The following LTO1 variants were observed in gnomAD, a reference collection of about 807,000 sequenced individuals.
LTO1 encodes LTO1 maturation factor of ABCE1, also known as protein LTO1 homolog.
Under a neutral mutation model 19.8 loss-of-function variants are expected in LTO1, and 18 were observed. The ratio of observed to expected loss-of-function variants is 0.91; its 90% confidence interval spans 0.63 to 1.35. The LOEUF is 1.35. LTO1 is among the 40% of genes most tolerant of loss of function. The pLI is 0.00. For synonymous variants in LTO1, 59 were observed against 59.6 expected (o/e 0.99, Z 0.05); for missense variants, 175 against 167.9 (o/e 1.04, Z -0.23).
At chr11:69,675,107 A>T in intron 1 of LTO1, 83 bp downstream of exon 1, 2 of 1,283,376 alleles carry the variant, frequency 1.6e-6, no homozygotes, top group Non-Finnish European at 2.2e-6. Flanking sequence ...AGGCTCCAGC[A>T]GCCGCCCTGG....
intron 2 of LTO1, chr11:69,672,898 G>C (rs1856127124): frequency 2.7e-6 from 1 of 376,028 alleles, no homozygotes; most frequent in Non-Finnish European, 5.2e-6. Context: ...TGCCTCCCAG[G>C]TTCAAGCGAG....
intron 4 of LTO1, 129 bp downstream of exon 4, chr11:69,667,766 C>G: frequency 1.4e-6 from 1 of 716,652 alleles, no homozygotes; most frequent in Non-Finnish European, 2.5e-6. Context: ...GGATGAGGCG[C>G]CTCTACGGAC....
chr11:69,673,199 T>G lies in LTO1; in HGVS notation c.156+17A>C, dbSNP rs995108275. 3 of 1,336,628 alleles carry G rather than the reference T, an allele frequency of 2.2e-6. No homozygotes were observed. The South Asian group carries it at 3.5e-5, about 16-fold the overall frequency. The allele number at this position is 1,336,628 out of a possible 1,614,324, so 82.8% of individuals were successfully genotyped here. The stretch of plus-strand genomic sequence containing the variant: ...TAAATGAAGAGGCTTCATCTCCAGA[T>G]GGGGGTTCCCACTTACCTCAGACCC... On this transcript the variant is annotated intron_variant, in intron 2 of 4. Coordinates refer to ENST00000279147, the MANE Select transcript of LTO1 (RefSeq NM_153451.3).
rs375065619 is a variant in LTO1 at position 69,673,919 on chromosome 11, C to T, written c.51-598G>A. 1.5e-3 allele frequency among the ~76,000 whole-genome samples: 221 copies of T among 152,100 alleles called. 1 individual carries two copies. The highest frequency in any genetic ancestry group is 5.0e-3 in the African/African-American group (207 of 41,474). On this transcript the variant is annotated intron_variant, in intron 1 of 4. Coordinates refer to ENST00000279147, the MANE Select transcript of LTO1 (RefSeq NM_153451.3). The stretch of plus-strand genomic sequence containing the variant: ...TCGCCCAGGCTGGAGTGCAGTGGTG[C>T]GATCTCGGCTCACTGCAAGCTCTGC...
Position 69,675,253 on chromosome 11 carries a change from C to T in LTO1, c.-14G>A, listed in dbSNP as rs1223084090. ...ACTGCCAGCCATAGCGGCAAGCAGC[C>T]CGCCCTTGGCCCCCGGGTTTCTGCA... On this transcript the variant is annotated 5_prime_UTR_variant, in exon 1 of 5. Coordinates refer to ENST00000279147, the MANE Select transcript of LTO1 (RefSeq NM_153451.3). 4.7e-6 allele frequency: 7 copies of T among 1,487,072 alleles called. No homozygotes were observed. The African/African-American group carries it at 1.0e-4, about 21-fold the overall frequency. 92.1% of individuals were successfully genotyped at this position (1,487,072 alleles called of 1,614,324 possible).
chr11:69,674,778 A>G, intron 1 of LTO1: 1 of 465,088 alleles, frequency 2.2e-6, no homozygotes, highest in Non-Finnish European at 4.3e-6. Flanking sequence ...TGGAGGGAAA[A>G]GGGGTGTGGT....
chr11:69,674,236 G>A (rs1856154935), intron 1 of LTO1, among the ~76,000 whole-genome samples: 1 of 152,162 alleles, frequency 6.6e-6, no homozygotes, highest in South Asian at 2.1e-4. Flanking sequence ...TGTTCAAGTA[G>A]CACTAGCCCA....
In LTO1 at chr11:69,675,231, G is replaced by A; in HGVS notation, c.9C>T (p.Gly3=). Residue 3 remains glycine, a synonymous_variant, in exon 1 of 5, where the codon GGC becomes GGT. Transcript: ENST00000279147. ...CGATGGCATCGAATATGTCCTGACT[G>A]CCAGCCATAGCGGCAAGCAGCCCGC... MA[G]SQDIFDAIVM... is the part of the protein sequence containing the mutation. 1 of 1,508,686 alleles carries A rather than the reference G, an allele frequency of 6.6e-7. No homozygotes were observed. The highest frequency in any genetic ancestry group is 8.8e-7 in the Non-Finnish European group (1 of 1,130,568). The allele number at this position is 1,508,686 out of a possible 1,614,324, so 93.5% of individuals were successfully genotyped here. A position where few individuals can be genotyped will look rare whatever the true frequency, so the allele number is the denominator to read the frequency against.
chr11:69,675,249 C>A lies in LTO1; in HGVS notation c.-10G>T, dbSNP rs544944792. The stretch of plus-strand genomic sequence containing the variant: ...CCTGACTGCCAGCCATAGCGGCAAG[C>A]AGCCCGCCCTTGGCCCCCGGGTTTC... On this transcript the variant is annotated 5_prime_UTR_variant, in exon 1 of 5. Coordinates refer to ENST00000279147, the MANE Select transcript of LTO1 (RefSeq NM_153451.3). 4.7e-6 allele frequency: 7 copies of A among 1,493,262 alleles called. No individual in the cohort carries two copies. Among genetic ancestry groups the A allele is most frequent in the East Asian group, 2.5e-5 (1 of 40,788 alleles). The allele number at this position is 1,493,262 out of a possible 1,614,324, so 92.5% of individuals were successfully genotyped here.
At chr11:69,674,481 G>A (rs1216501968) in intron 1 of LTO1, 1 of 329,190 alleles carries the variant, frequency 3.0e-6, no homozygotes, top group Non-Finnish European at 6.0e-6. Context: ...CCACTTAATA[G>A]TTGTGTGACC....
intron 1 of LTO1, 60 bp downstream of exon 1, chr11:69,675,130 G>GAGAGGATT: frequency 6.6e-7 from 1 of 1,506,930 alleles, no homozygotes; most frequent in Admixed American, 1.8e-5. Context: ...CGCAGCCGGC[G>GAGAGGATT]GCGAAGCCGC....
At position 69,667,504 on chromosome 11, in the gene LTO1, G is replaced by C; in HGVS notation, c.*15C>G. ...ATCTGTTCCTCGACGTTCGGTCTCT[G>C]TTCATCCATCCTCCTCAAAATGAAA... On this transcript the variant is annotated 3_prime_UTR_variant, in exon 5 of 5. Coordinates refer to ENST00000279147, the MANE Select transcript of LTO1 (RefSeq NM_153451.3). 1 of 1,564,668 alleles carries C rather than the reference G, an allele frequency of 6.4e-7. No homozygotes were observed. Among genetic ancestry groups the C allele is most frequent in the South Asian group, 1.1e-5 (1 of 90,056 alleles).
Position 69,668,675 on chromosome 11 carries a change from G to GT in LTO1, c.228-664dup, listed in dbSNP as rs60405881. On this transcript the variant is annotated intron_variant, in intron 3 of 4. Coordinates refer to ENST00000279147, the MANE Select transcript of LTO1 (RefSeq NM_153451.3). Reference sequence around the variant, plus strand: ...ATGGTGAGAAATTAATTTCTGTTTTGTTTTTTTTTTTTTAATGGGGAGAGT... The same window carrying GT: ...ATGGTGAGAAATTAATTTCTGTTTTGTTTTTTTTTTTTTTAATGGGGAGAGT... Among the ~76,000 whole-genome samples, 368 of 147,210 alleles carry GT rather than the reference G, an allele frequency of 2.5e-3. 3 individuals carry two copies. Among genetic ancestry groups the GT allele is most frequent in the African/African-American group, 7.2e-3 (288 of 39,766 alleles).
chr11:69,674,931 G>A (rs962967376), intron 1 of LTO1: 1 of 686,646 alleles, frequency 1.5e-6, no homozygotes, highest in African/African-American at 1.8e-5. Flanking sequence ...ACCAGGCTGA[G>A]CAGATGTTTG....
intron 3 of LTO1, chr11:69,668,304 G>A: frequency 6.2e-6 from 2 of 321,044 alleles, no homozygotes. Flanking sequence ...TGACTCTCGA[G>A]GTCACACATG....
chr11:69,667,821 C>G (rs536182311), intron 4 of LTO1, 74 bp downstream of exon 4: 2 of 861,210 alleles, frequency 2.3e-6, no homozygotes, highest in South Asian at 2.7e-5. Context: ...GCAGCGGCCC[C>G]GGGAGTGCGC....
intron 1 of LTO1, 105 bp from the exon 2 acceptor site, chr11:69,673,426 G>T (rs1856140862): frequency 1.4e-6 from 1 of 738,860 alleles, no homozygotes; most frequent in Non-Finnish European, 2.3e-6. Flanking sequence ...ACAAACCAGA[G>T]TAAAGGAGGA....
At chr11:69,674,510 T>A (rs1856158837) in intron 1 of LTO1, 2 of 340,042 alleles carry the variant, frequency 5.9e-6, no homozygotes, top group Admixed American at 7.9e-5. Flanking sequence ...TGACTGTGCC[T>A]CCTAGTCTGT....
At chr11:69,673,967 C>T (rs1856150650) in intron 1 of LTO1, among the ~76,000 whole-genome samples, 1 of 152,162 alleles carries the variant, frequency 6.6e-6, no homozygotes, top group Non-Finnish European at 1.5e-5. Flanking sequence ...CGCTCTCCTG[C>T]CTCAGCCTCC....
Sources: gnomAD v4.1 joint callset for allele counts (sites outside exome capture counted in the v4.1 genomes callset) on GRCh38, gnomAD v4.1.1 for gene constraint, MANE v1.5 for transcripts, NCBI Gene and HGNC (gene_info 2026-07-23, HGNC 2026-07-21) for gene names.